GOLIM4: variants seen among roughly 807,000 people sequenced by gnomAD.
GOLIM4 encodes the protein 130 kDa golgi-localized phosphoprotein.
In GOLIM4, 71 loss-of-function variants were observed where a neutral mutation model predicts 107.4. The ratio of observed to expected loss-of-function variants is 0.66; its 90% CI spans 0.55 to 0.81. GOLIM4 has a LOEUF of 0.81. GOLIM4 is among the 30% of genes least tolerant of loss of function. The pLI is 0.00. For missense variants in GOLIM4, 830 were observed against 826.1 expected (o/e 1.00, Z -0.06); for synonymous variants, 327 against 294.8 (o/e 1.11, Z -1.12).
intron 7 of GOLIM4, among the ~76,000 whole-genome samples, 175 bp from the exon 8 acceptor site, chr3:168,037,169 G>A (rs1352443767): frequency 2.1e-5 from 3 of 145,956 alleles, no homozygotes; most frequent in East Asian, 1.9e-4. Flanking sequence ...AATCATTTTT[G>A]AGCGCATGCA....
Position 168,041,426 on chromosome 3 carries a change from T to C in GOLIM4, c.566A>G (p.His189Arg). ...TTGAAGCTGTGTATGTATGTCTTGG[T>C]GTGCTTTCCTTAGTTGTCTATTCTC... ...REENRQLRKA[H>R]QDIHTQLQDV... Residue 189 changes from histidine to arginine, a missense_variant, in exon 6 of 16, where the codon CAC becomes CGC. By Grantham distance (29) the His-to-Arg change is conservative. Transcript: ENST00000470487. 6.3e-7 allele frequency: 1 copy of C among 1,595,642 alleles called. No individual in the cohort carries two copies. The highest frequency in any genetic ancestry group is 8.6e-7 in the Non-Finnish European group (1 of 1,164,104).
intron 6 of GOLIM4, chr3:168,041,176 T>C (rs62273305): frequency 0.17 from 89,325 of 516,800 alleles, 8,614 homozygotes; most frequent in Middle Eastern, 0.22. Context: ...AGCATGAGAA[T>C]AATTTCAGTA....
intron 3 of GOLIM4, 144 bp downstream of exon 3, chr3:168,046,806 C>CAA (rs10663226): frequency 0.17 from 63,121 of 366,092 alleles, 3,547 homozygotes; most frequent in Non-Finnish European, 0.21. Flanking sequence ...TTTTGGCAGC[C>CAA]AAAAAAAAAA....
At chr3:168,033,820 T>C (rs1392871262) in intron 8 of GOLIM4, among the ~76,000 whole-genome samples, 1 of 152,084 alleles carries the variant, frequency 6.6e-6, no homozygotes, top group Non-Finnish European at 1.5e-5. Flanking sequence ...AAATGGCTTT[T>C]TCAGAATAAC....
At chr3:168,029,328 T>G (rs376695138) in intron 10 of GOLIM4, 26 bp from the exon 11 acceptor site, 1 of 1,458,542 alleles carries the variant, frequency 6.9e-7, no homozygotes. Context: ...ACATGATAAA[T>G]CCAGTGGGAC....
chr3:168,013,849 A>T (rs1446836821), intron 14 of GOLIM4, among the ~76,000 whole-genome samples: 1 of 151,554 alleles, frequency 6.6e-6, no homozygotes, highest in Non-Finnish European at 1.5e-5. Context: ...AACGAGAACA[A>T]AGACACAACA....
At chr3:168,090,330 GA>G (rs112101464) in intron 1 of GOLIM4, among the ~76,000 whole-genome samples, 35 of 146,308 alleles carry the variant, frequency 2.4e-4, no homozygotes, top group African/African-American at 5.2e-4. Flanking sequence ...AGCTTGACAA[GA>G]AAAAAAAAAA....
intron 1 of GOLIM4, among the ~76,000 whole-genome samples, chr3:168,050,489 G>T (rs1321033924): frequency 6.6e-6 from 1 of 152,028 alleles, no homozygotes; most frequent in Non-Finnish European, 1.5e-5. Flanking sequence ...TGAGGTGGGG[G>T]AAACATATAG....
At chr3:168,010,928 G>T in intron 14 of GOLIM4, 105 bp from the exon 15 acceptor site, 2 of 833,812 alleles carry the variant, frequency 2.4e-6, no homozygotes, top group South Asian at 3.0e-5. Context: ...AATATATTTT[G>T]ATTTCCAAAA....
At chr3:168,075,457 C>T (rs149286888) in intron 1 of GOLIM4, among the ~76,000 whole-genome samples, 7,726 of 151,250 alleles carry the variant, frequency 0.051, 316 homozygotes, top group Non-Finnish European at 0.066. Context: ...CCACTACGCC[C>T]GGCTAATTTT....
At chr3:168,047,850 T>C (rs1213418430) in intron 2 of GOLIM4, among the ~76,000 whole-genome samples, 1 of 152,134 alleles carries the variant, frequency 6.6e-6, no homozygotes, top group Admixed American at 6.5e-5. Context: ...TAAAATATAA[T>C]GGACAATGGG....
rs758605214 is a variant in GOLIM4 at position 168,041,463 on chromosome 3, T to G, written c.529A>C (p.Asn177His). 28 of 1,506,634 alleles carry G rather than the reference T, an allele frequency of 1.9e-5. No individual in the cohort carries two copies. The highest frequency in any genetic ancestry group is 2.6e-5 in the Non-Finnish European group (28 of 1,084,488). The allele number at this position is 1,506,634 out of a possible 1,614,324, so 93.3% of individuals were successfully genotyped here. A position where few individuals can be genotyped will look rare whatever the true frequency, so the allele number is the denominator to read the frequency against. ...AGTTGTCTATTCTCTTCTCTCAAAT[T>G]GTATACAGTCTCTATTTTAGAAAAA... ...ELSKLKETVY[N>H]LREENRQLRK... Residue 177 changes from asparagine (N) to histidine (H), a missense_variant, in exon 6 of 16, where the codon AAT becomes CAT. Asn to His is a moderately conservative substitution (Grantham distance 68). Coordinates refer to ENST00000470487, the MANE Select transcript of GOLIM4 (RefSeq NM_014498.5).
At position 168,027,747 on chromosome 3, in the gene GOLIM4, T is replaced by C. The variant is rs1718076450; in HGVS notation, c.1604A>G (p.Asp535Gly). 6.2e-7 allele frequency: 1 copy of C among 1,606,218 alleles called. No homozygotes were observed. The highest frequency in any genetic ancestry group is 1.3e-5 in the African/African-American group (1 of 74,854). ...EPREQGPREA[D>G]PESEADRAAV... is the part of the protein sequence containing the mutation. ...ACTTACATCTGCCTCAGATTCTGGG[T>C]CGGCTTCTCGGGGTCCTTGTTCACG... The change falls in exon 12 of 16, where the codon GAC (aspartate) becomes GGC (glycine). Residue 535 changes from aspartate to glycine, a missense_variant. Coordinates refer to ENST00000470487, the MANE Select transcript of GOLIM4 (RefSeq NM_014498.5).
chr3:168,053,401 A>G (rs1370357046), intron 1 of GOLIM4, among the ~76,000 whole-genome samples: 1 of 152,228 alleles, frequency 6.6e-6, no homozygotes, highest in Non-Finnish European at 1.5e-5. Flanking sequence ...TTTATTTTTA[A>G]AAAACAAACA....
At chr3:168,018,367 G>C (rs1161453440) in intron 14 of GOLIM4, among the ~76,000 whole-genome samples, 4 of 152,124 alleles carry the variant, frequency 2.6e-5, no homozygotes, top group Admixed American at 1.3e-4. Context: ...GACAAAACTT[G>C]GCCTGTCGAG....
chr3:168,013,848 A>G (rs1303369516), intron 14 of GOLIM4, among the ~76,000 whole-genome samples: 2 of 151,584 alleles, frequency 1.3e-5, no homozygotes, highest in African/African-American at 4.9e-5. Flanking sequence ...CAACGAGAAC[A>G]AAGACACAAC....
chr3:168,086,767 T>C (rs750821467), intron 1 of GOLIM4, among the ~76,000 whole-genome samples: 1 of 152,196 alleles, frequency 6.6e-6, no homozygotes, highest in Non-Finnish European at 1.5e-5. Flanking sequence ...ATGACTGACA[T>C]GTCTTCTGCA....
At position 168,031,945 on chromosome 3, in the gene GOLIM4, A is replaced by G. The variant is rs1718358176; in HGVS notation, c.1176+575T>C. 2.6e-5 allele frequency among the ~76,000 whole-genome samples: 4 copies of G among 151,956 alleles called. No homozygotes were observed. In the South Asian group the frequency reaches 6.2e-4, roughly 24 times the overall value. On this transcript the variant is annotated intron_variant, in intron 9 of 15. Transcript: ENST00000470487. ...ATAATAATCCTGGCCATTTTTTTTTAAGAAAGGGAAAAGTCTTACGTGTAA... is the reference window on the plus strand; with the variant it reads ...ATAATAATCCTGGCCATTTTTTTTTGAGAAAGGGAAAAGTCTTACGTGTAA...
At chr3:168,083,629 A>AACC (rs1292134122) in intron 1 of GOLIM4, among the ~76,000 whole-genome samples, 2 of 152,220 alleles carry the variant, frequency 1.3e-5, no homozygotes, top group African/African-American at 4.8e-5. Flanking sequence ...ACATTTTTAC[A>AACC]AAAGTATTGA....
Sources: gnomAD v4.1 joint callset for allele counts (sites outside exome capture counted in the v4.1 genomes callset) on GRCh38, gnomAD v4.1.1 for gene constraint, MANE v1.5 for transcripts, NCBI Gene and HGNC (gene_info 2026-07-23, HGNC 2026-07-21) for gene names.